Variants in ATP9A observed in about 807,000 individuals in gnomAD.
ATP9A encodes the protein ATPase phospholipid transporting 9A.
A neutral mutation model predicts 144.1 loss-of-function variants in ATP9A; 52 were observed. That is an observed-to-expected ratio of 0.36 (90% CI 0.29 to 0.45). The LOEUF is 0.45. Among genes scored for constraint, ATP9A ranks in the 20% least tolerant of loss-of-function variants. The probability of loss-of-function intolerance (pLI) is 1.00; values close to 1 mark genes in which losing one functional copy is unlikely to be tolerated. For missense variants in ATP9A, 947 were observed against 1,392.7 expected (o/e 0.68, Z 5.09); for synonymous variants, 582 against 557.4 (o/e 1.04, Z -0.62).
intron 9 of ATP9A, among the ~76,000 whole-genome samples, chr20:51,679,289 A>G (rs1028435405): frequency 8.6e-5 from 13 of 150,576 alleles, no homozygotes; most frequent in African/African-American, 2.8e-4. Flanking sequence ...ACGCCACTGT[A>G]CTCCAGCCTG....
chr20:51,699,118 G>T (rs2077582511), intron 4 of ATP9A, among the ~76,000 whole-genome samples: 1 of 152,130 alleles, frequency 6.6e-6, no homozygotes, highest in South Asian at 2.1e-4. Flanking sequence ...GAGGCAGGTA[G>T]ATCACCTGAG....
At chr20:51,706,905 T>A (rs1230393418) in intron 4 of ATP9A, among the ~76,000 whole-genome samples, 1 of 152,204 alleles carries the variant, frequency 6.6e-6, no homozygotes, top group Non-Finnish European at 1.5e-5. Flanking sequence ...AGCATGCCTG[T>A]ACTGTATATG....
intron 14 of ATP9A, among the ~76,000 whole-genome samples, chr20:51,650,902 T>TACACACACAC (rs10666493): frequency 3.4e-5 from 5 of 149,232 alleles, no homozygotes; most frequent in Non-Finnish European, 5.9e-5. Flanking sequence ...ACATCACACA[T>TACACACACAC]ACACACACAC....
At chr20:51,677,306 A>C (rs2077481554) in intron 9 of ATP9A, among the ~76,000 whole-genome samples, 1 of 152,160 alleles carries the variant, frequency 6.6e-6, no homozygotes, top group Non-Finnish European at 1.5e-5. Context: ...TACACTGACC[A>C]AAAGAACAGT....
intron 1 of ATP9A, among the ~76,000 whole-genome samples, chr20:51,739,540 G>A (rs1207571759): frequency 6.6e-6 from 1 of 151,702 alleles, no homozygotes; most frequent in African/African-American, 2.4e-5. Flanking sequence ...TTTTTTAGCA[G>A]AGACAGGGTT....
intron 10 of ATP9A, among the ~76,000 whole-genome samples, chr20:51,674,960 C>T (rs1229948634): frequency 2.0e-5 from 3 of 152,114 alleles, no homozygotes; most frequent in African/African-American, 7.2e-5. Flanking sequence ...TTATGGCGCC[C>T]GCCACCACAC....
chr20:51,608,229 C>T (rs1445656258), intron 25 of ATP9A, among the ~76,000 whole-genome samples: 1 of 152,134 alleles, frequency 6.6e-6, no homozygotes, highest in South Asian at 2.1e-4. Flanking sequence ...AACTGCAAAG[C>T]GGAACTGTCA....
intron 3 of ATP9A, 51 bp downstream of exon 3, chr20:51,725,768 T>C: frequency 7.6e-7 from 1 of 1,309,124 alleles, no homozygotes; most frequent in Non-Finnish European, 1.1e-6. Context: ...CAAAGAACTT[T>C]CTGTTTCCAA....
intron 1 of ATP9A, among the ~76,000 whole-genome samples, chr20:51,763,489 T>G (rs1378953709): frequency 1.3e-5 from 2 of 151,906 alleles, no homozygotes; most frequent in African/African-American, 2.4e-5. Context: ...ATTTTTTGTA[T>G]TTTTAGTAGA....
chr20:51,686,889 G>C (rs907210464), intron 9 of ATP9A, among the ~76,000 whole-genome samples: 1 of 151,282 alleles, frequency 6.6e-6, no homozygotes, highest in Admixed American at 6.6e-5. Flanking sequence ...GAGCCAAGAT[G>C]GTACCACTGC....
At chr20:51,750,042 C>A (rs2077824653) in intron 1 of ATP9A, among the ~76,000 whole-genome samples, 1 of 152,130 alleles carries the variant, frequency 6.6e-6, no homozygotes, top group African/African-American at 2.4e-5. Flanking sequence ...GTAATCCCAG[C>A]TACTTGGGAG....
chr20:51,696,983 A>T (rs914030695), intron 5 of ATP9A, among the ~76,000 whole-genome samples: 4 of 152,172 alleles, frequency 2.6e-5, no homozygotes, highest in Admixed American at 2.6e-4. Context: ...CTCAGGTTAC[A>T]CTTAACCCCT....
intron 3 of ATP9A, among the ~76,000 whole-genome samples, chr20:51,714,956 C>T (rs1286248555): frequency 6.6e-6 from 1 of 152,144 alleles, no homozygotes; most frequent in East Asian, 1.9e-4. Flanking sequence ...AGATTTTTTT[C>T]CTCTTGTAAT....
chr20:51,647,996 C>T (rs887998762), intron 14 of ATP9A, among the ~76,000 whole-genome samples: 1 of 152,178 alleles, frequency 6.6e-6, no homozygotes, highest in Admixed American at 6.6e-5. Context: ...GAAGAATTCC[C>T]CTATAGTTCC....
At position 51,648,286 on chromosome 20, in the gene ATP9A, G is replaced by A. The variant is rs576147735; in HGVS notation, c.1506+8652C>T. On this transcript the variant is annotated intron_variant, in intron 14 of 27. Coordinates refer to ENST00000338821, the MANE Select transcript of ATP9A (RefSeq NM_006045.3). ...GACCGCGAGATTGCCTGCCCTCCCCGGCACCATGTACTTGAGCTCTCCAGC... is the reference window on the plus strand; with the variant it reads ...GACCGCGAGATTGCCTGCCCTCCCCAGCACCATGTACTTGAGCTCTCCAGC... Among the ~76,000 whole-genome samples, 9 of 152,176 alleles carry A rather than the reference G, an allele frequency of 5.9e-5. No individual in the cohort carries two copies. In the South Asian group the frequency reaches 1.2e-3, roughly 21 times the overall value.
At position 51,678,958 on chromosome 20, in the gene ATP9A, G is replaced by C. The variant is rs79982253; in HGVS notation, c.800-2750C>G. On this transcript the variant is annotated intron_variant, in intron 9 of 27. Coordinates refer to ENST00000338821, the MANE Select transcript of ATP9A (RefSeq NM_006045.3). ...GGACGCACACACCGGATGCGCCTTG[G>C]CTTGGTCTGCACGGTGCCTTCAAGG... 4.2e-3 allele frequency among the ~76,000 whole-genome samples: 635 copies of C among 152,222 alleles called. 3 individuals carry two copies. The highest frequency in any genetic ancestry group is 0.014 in the African/African-American group (588 of 41,532).
At chr20:51,716,639 G>GC in intron 3 of ATP9A, among the ~76,000 whole-genome samples, 1 of 152,142 alleles carries the variant, frequency 6.6e-6, no homozygotes, top group Non-Finnish European at 1.5e-5. Flanking sequence ...CTGGGCGACA[G>GC]AATGAGACTC....
chr20:51,682,042 G>C (rs2077502091), intron 9 of ATP9A, among the ~76,000 whole-genome samples: 1 of 152,072 alleles, frequency 6.6e-6, no homozygotes, highest in Non-Finnish European at 1.5e-5. Flanking sequence ...CCTGTTTCTT[G>C]ATCTGGGTGC....
intron 1 of ATP9A, among the ~76,000 whole-genome samples, chr20:51,760,391 C>T (rs571946025): frequency 2.0e-5 from 3 of 152,200 alleles, no homozygotes; most frequent in South Asian, 4.1e-4. Context: ...AGCAATGGTT[C>T]CATATTCGAA....
Sources: allele counts gnomAD v4.1 joint callset (sites outside exome capture counted in the v4.1 genomes callset), GRCh38; gene constraint gnomAD v4.1.1; transcripts MANE v1.5; gene names NCBI Gene and HGNC (gene_info 2026-07-23, HGNC 2026-07-21).